METTL24: variants seen among roughly 807,000 people sequenced by gnomAD.
METTL24 encodes the protein methyltransferase like 24.
In METTL24, 29 loss-of-function variants were observed where a neutral mutation model predicts 32.7. The observed-to-expected ratio is 0.89, with a 90% confidence interval of 0.66 to 1.21. The LOEUF (loss-of-function observed/expected upper bound fraction) is 1.21. Ranked by LOEUF, METTL24 falls within the 50% of genes most tolerant of loss-of-function variation. METTL24 has a pLI of 0.00. For synonymous variants in METTL24, 163 were observed against 179.5 expected (o/e 0.91, Z 0.73); for missense variants, 439 against 468.1 (o/e 0.94, Z 0.57).
intron 2 of METTL24, among the ~76,000 whole-genome samples, chr6:110,321,937 T>G (rs1455531002): frequency 1.3e-5 from 2 of 152,196 alleles, no homozygotes; most frequent in Non-Finnish European, 2.9e-5. Context: ...GGATCCCCCG[T>G]GCAGCACCAG....
At position 110,245,870 on chromosome 6, in the gene METTL24, G is replaced by A; in HGVS notation, c.*76C>T. On this transcript the variant is annotated 3_prime_UTR_variant, in exon 5 of 5. Coordinates refer to ENST00000338882, the MANE Select transcript of METTL24 (RefSeq NM_001123364.3). The stretch of plus-strand genomic sequence containing the variant: ...CACAGGCTAGCAGGAGACTGGATGA[G>A]TAAACTCATGATTAGAATTATGGAC... The A allele has an allele frequency of 2.1e-6, 3 of 1,425,656 alleles. No individual in the cohort carries two copies. In the South Asian group the frequency reaches 3.9e-5, roughly 19 times the overall value. 88.3% of individuals were successfully genotyped at this position (1,425,656 alleles called of 1,614,324 possible).
rs148431372 is a variant in METTL24, at chr6:110,345,475, A to G, written c.318+12480T>C. On this transcript the variant is annotated intron_variant, in intron 1 of 4. Transcript: ENST00000338882. ...CATTCTACCATAAAGACACATGCAC[A>G]TGAATGTTCATTGCAGCCCTATTCA... 5.1e-3 allele frequency among the ~76,000 whole-genome samples: 775 copies of G among 152,340 alleles called. 8 individuals are homozygous for G. The highest frequency in any genetic ancestry group is 0.018 in the African/African-American group (736 of 41,576).
At chr6:110,356,312 G>A (rs1297228100) in intron 1 of METTL24, among the ~76,000 whole-genome samples, 3 of 152,030 alleles carry the variant, frequency 2.0e-5, no homozygotes, top group Non-Finnish European at 4.4e-5. Flanking sequence ...GCGTGGTGGT[G>A]CACGCCTGTA....
chr6:110,264,773 C>T (rs1433396883), intron 4 of METTL24, among the ~76,000 whole-genome samples: 3 of 152,108 alleles, frequency 2.0e-5, no homozygotes, highest in Admixed American at 6.5e-5. Flanking sequence ...ACATATACAC[C>T]ATGGAATACT....
intron 1 of METTL24, among the ~76,000 whole-genome samples, chr6:110,338,260 G>C (rs541549727): frequency 6.6e-6 from 1 of 152,336 alleles, no homozygotes; most frequent in East Asian, 1.9e-4. Context: ...ACTTTGGGAG[G>C]CTGAGGTGGG....
At chr6:110,274,802 C>CTTTTT (rs1196371607) in intron 4 of METTL24, among the ~76,000 whole-genome samples, 26 of 90,126 alleles carry the variant, frequency 2.9e-4, no homozygotes, top group South Asian at 3.9e-4. Flanking sequence ...TTCGTTCTTT[C>CTTTTT]TTTTTTTTTT....
chr6:110,304,526 C>T (rs985984237), intron 3 of METTL24, among the ~76,000 whole-genome samples: 1 of 152,042 alleles, frequency 6.6e-6, no homozygotes, highest in Non-Finnish European at 1.5e-5. Flanking sequence ...GAACCATACA[C>T]AAATATCAAT....
intron 4 of METTL24, among the ~76,000 whole-genome samples, chr6:110,284,747 A>T (rs1771191476): frequency 6.6e-6 from 1 of 152,062 alleles, no homozygotes; most frequent in African/African-American, 2.4e-5. Context: ...AATAATTTTT[A>T]TTTTTTTAGT....
rs117941716 is a variant in METTL24, at chr6:110,302,351, T to C, written c.558-3201A>G. ...TTGTATATAAATCTAGAGTGAAATA[T>C]GTGAATAATTTCTTCCTCTGAATTG... On this transcript the variant is annotated intron_variant, in intron 3 of 4. Transcript: ENST00000338882. Among the ~76,000 whole-genome samples the C allele has an allele frequency of 8.6e-3, 1,296 of 151,400 alleles. 46 individuals are homozygous for C. The East Asian group carries it at 0.1, about 12-fold the overall frequency.
intron 4 of METTL24, among the ~76,000 whole-genome samples, chr6:110,255,330 G>A (rs1185640407): frequency 6.6e-6 from 1 of 152,120 alleles, no homozygotes; most frequent in African/African-American, 2.4e-5. Context: ...AGACTGCTGA[G>A]CAAGAATCTC....
intron 2 of METTL24, among the ~76,000 whole-genome samples, chr6:110,322,172 G>A (rs1257223064): frequency 6.6e-6 from 1 of 152,192 alleles, no homozygotes; most frequent in African/African-American, 2.4e-5. Flanking sequence ...CCTGCTCGGG[G>A]CACTGGCTCA....
At chr6:110,329,679 C>G (rs929552425) in intron 1 of METTL24, among the ~76,000 whole-genome samples, 2 of 152,138 alleles carry the variant, frequency 1.3e-5, no homozygotes, top group African/African-American at 2.4e-5. Flanking sequence ...CACGTGCCTT[C>G]CCCTCAGCCT....
intron 3 of METTL24, among the ~76,000 whole-genome samples, chr6:110,311,055 C>G (rs1198397787): frequency 6.6e-6 from 1 of 152,174 alleles, no homozygotes; most frequent in Non-Finnish European, 1.5e-5. Context: ...CCCTCCCCAC[C>G]TAGCTCAAAA....
chr6:110,290,592 A>G lies in METTL24; in HGVS notation c.786+8330T>C, dbSNP rs1771300909. Among the ~76,000 whole-genome samples the G allele has an allele frequency of 5.9e-5, 9 of 152,336 alleles. No homozygotes were observed. The South Asian group carries it at 1.9e-3, about 32-fold the overall frequency. On this transcript the variant is annotated intron_variant, in intron 4 of 4. Coordinates refer to ENST00000338882, the MANE Select transcript of METTL24 (RefSeq NM_001123364.3). ...ATATGGTATATTTAAGAGATATATC[A>G]TACCATAACTTCTCTACCCATTCAC...
chr6:110,335,483 G>GA (rs1052572957), intron 1 of METTL24, among the ~76,000 whole-genome samples: 3 of 146,332 alleles, frequency 2.1e-5, no homozygotes, highest in African/African-American at 7.5e-5. Context: ...AACTTACAAT[G>GA]AAAAAAGCAG....
chr6:110,311,342 T>C (rs977350524), intron 3 of METTL24, among the ~76,000 whole-genome samples: 8 of 152,114 alleles, frequency 5.3e-5, no homozygotes, highest in African/African-American at 1.9e-4. Flanking sequence ...TTAGTTTCAG[T>C]TTTCAATTAA....
rs933883119 is a variant in METTL24 at position 110,244,818 on chromosome 6, G to A, written c.*1128C>T. ...CAATTCAAGATGAGATTTGGTTGGG[G>A]ACGTAGCCAAACCATATTACTCATG... On this transcript the variant is annotated 3_prime_UTR_variant, in exon 5 of 5. Transcript: ENST00000338882. 4.2e-4 allele frequency among the ~76,000 whole-genome samples: 64 copies of A among 152,142 alleles called. No homozygotes were observed. Among genetic ancestry groups the A allele is most frequent in the African/African-American group, 1.4e-3 (58 of 41,434 alleles).
chr6:110,323,782 C>T (rs1046263224), intron 1 of METTL24, among the ~76,000 whole-genome samples: 2 of 151,978 alleles, frequency 1.3e-5, no homozygotes, highest in East Asian at 1.9e-4. Flanking sequence ...CAGCAGCTGG[C>T]GGGGTCAATG....
Position 110,315,419 on chromosome 6 carries a change from G to A in METTL24, c.480C>T (p.Pro160=). 6.2e-7 allele frequency: 1 copy of A among 1,614,056 alleles called. No individual in the cohort carries two copies. Among genetic ancestry groups the A allele is most frequent in the Non-Finnish European group, 8.5e-7 (1 of 1,179,908 alleles). ...LATDSSPTHK[P]WSVCLDDRFN... is the part of the protein sequence containing the mutation. Reference sequence around the variant, plus strand: ...ACCTGTCGTCAAGACACACTGACCAGGGCTTGTGTGTAGGACTAGAGTCAG... The same window carrying A: ...ACCTGTCGTCAAGACACACTGACCAAGGCTTGTGTGTAGGACTAGAGTCAG... Residue 160 remains proline, a synonymous_variant, in exon 3 of 5, where the codon CCC becomes CCT. Coordinates refer to ENST00000338882, the MANE Select transcript of METTL24 (RefSeq NM_001123364.3).
Sources: allele counts gnomAD v4.1 joint callset (sites outside exome capture counted in the v4.1 genomes callset), GRCh38; gene constraint gnomAD v4.1.1; transcripts MANE v1.5; gene names NCBI Gene and HGNC (gene_info 2026-07-23, HGNC 2026-07-21).